The following CD80 variants were observed in gnomAD, a reference collection of about 807,000 sequenced individuals.
The protein encoded by CD80 is CD80 molecule, also known as T-lymphocyte activation antigen CD80.
CD80 carries 13 observed loss-of-function variants against 27.1 expected under a neutral mutation model. The observed-to-expected ratio is 0.48, with a 90% CI of 0.31 to 0.76. The LOEUF is 0.76. Among genes scored for constraint, CD80 ranks in the 30% least tolerant of loss-of-function variants. CD80 has a pLI of 0.04. For missense variants in CD80, 277 were observed against 347.9 expected (o/e 0.80, Z 1.62); for synonymous variants, 125 against 125.5 (o/e 1.00, Z 0.03).
intron 3 of CD80, among the ~76,000 whole-genome samples, chr3:119,542,611 T>C (rs1156453070): frequency 1.3e-5 from 2 of 152,204 alleles, no homozygotes; most frequent in Non-Finnish European, 2.9e-5. Flanking sequence ...TGCAAAATTA[T>C]GACTGAGACA....
At position 119,556,883 on chromosome 3, in the gene CD80, C is replaced by A. The variant is rs2082267430; in HGVS notation, c.100+746G>T. On this transcript the variant is annotated intron_variant, in intron 2 of 6. Transcript: ENST00000264246. ...ATCAGAACCATCCTGCCAGCAGGGA[C>A]AAGCCTCACCCTTCTTGACAGTCCC... Among the ~76,000 whole-genome samples the A allele has an allele frequency of 3.3e-5, 5 of 152,216 alleles. No homozygotes were observed. The South Asian group carries it at 8.3e-4, about 25-fold the overall frequency.
intron 4 of CD80, among the ~76,000 whole-genome samples, chr3:119,536,066 A>G (rs1050716048): frequency 6.6e-6 from 1 of 151,978 alleles, no homozygotes; most frequent in Non-Finnish European, 1.5e-5. Flanking sequence ...CCTGACCAAC[A>G]TGGTGAAACC....
rs1384073127 is a variant in CD80 at position 119,537,135 on chromosome 3, A to G, written c.700+2T>C. ...GAAACTCCCCAGAACAATGTCACTT[A>G]CTTGTATTCCAGTTGAAGGTCTGAT... On this transcript the variant is annotated splice_donor_variant, in intron 4 of 6. Transcript: ENST00000264246. LOFTEE classifies it high-confidence loss of function. 2 of 1,609,824 alleles carry G rather than the reference A, an allele frequency of 1.2e-6. No individual in the cohort carries two copies. The highest frequency in any genetic ancestry group is 1.7e-6 in the Non-Finnish European group (2 of 1,176,212).
intron 5 of CD80, 59 bp from the exon 6 acceptor site, chr3:119,527,900 T>C: frequency 1.4e-6 from 2 of 1,431,870 alleles, no homozygotes; most frequent in Non-Finnish European, 2.0e-6. Context: ...ATTGTGCCCA[T>C]ATGTTAATAT....
intron 2 of CD80, among the ~76,000 whole-genome samples, chr3:119,545,738 A>AC (rs533669907): frequency 0.013 from 1,810 of 140,420 alleles, 19 homozygotes; most frequent in African/African-American, 0.039. Context: ...TTACACACAC[A>AC]CCCCCCCCCA....
intron 4 of CD80, among the ~76,000 whole-genome samples, chr3:119,532,569 G>A (rs2082116453): frequency 6.6e-6 from 1 of 151,498 alleles, no homozygotes; most frequent in African/African-American, 2.4e-5. Context: ...ATCTCCACCT[G>A]ATTAAAACTG....
chr3:119,546,858 G>C (rs928739946), intron 2 of CD80, among the ~76,000 whole-genome samples: 1 of 148,096 alleles, frequency 6.8e-6, no homozygotes, highest in East Asian at 1.9e-4. Context: ...ACATGTACAC[G>C]CATTCATTTA....
At chr3:119,529,260 G>T (rs1329108472) in intron 5 of CD80, among the ~76,000 whole-genome samples, 1 of 152,130 alleles carries the variant, frequency 6.6e-6, no homozygotes, top group Non-Finnish European at 1.5e-5. Context: ...CAAGAACTGA[G>T]AATTGGTGAG....
At chr3:119,542,020 G>A (rs551003756) in intron 3 of CD80, among the ~76,000 whole-genome samples, 35 of 151,570 alleles carry the variant, frequency 2.3e-4, no homozygotes, top group Non-Finnish European at 4.4e-5. Context: ...CGTACCTAAT[G>A]TAATTAACTA....
chr3:119,558,385 G>A (rs1371882688), intron 1 of CD80, among the ~76,000 whole-genome samples: 1 of 152,150 alleles, frequency 6.6e-6, no homozygotes, highest in Non-Finnish European at 1.5e-5. Flanking sequence ...ATATCATAAA[G>A]GGGTATGAGA....
chr3:119,537,022 G>A, intron 4 of CD80, 115 bp downstream of exon 4: 1 of 941,224 alleles, frequency 1.1e-6, no homozygotes, highest in Non-Finnish European at 1.7e-6. Context: ...TTCAGACAAT[G>A]ACAGAATTGC....
intron 4 of CD80, among the ~76,000 whole-genome samples, chr3:119,532,341 A>C (rs1193318418): frequency 6.6e-6 from 1 of 152,088 alleles, no homozygotes; most frequent in Non-Finnish European, 1.5e-5. Flanking sequence ...GTCTCTACTA[A>C]AAGTACAAAA....
chr3:119,532,900 C>G (rs1457738260), intron 4 of CD80, among the ~76,000 whole-genome samples: 1 of 152,180 alleles, frequency 6.6e-6, no homozygotes, highest in East Asian at 1.9e-4. Context: ...TCTGAAACAC[C>G]TATTTAATCA....
At chr3:119,540,187 G>C (rs936355297) in intron 3 of CD80, among the ~76,000 whole-genome samples, 1 of 152,182 alleles carries the variant, frequency 6.6e-6, no homozygotes, top group African/African-American at 2.4e-5. Context: ...CTGACCTCGT[G>C]ATCCACCAGC....
In CD80 at chr3:119,525,452, T is replaced by A. The variant is rs1336418385; in HGVS notation, c.*336A>T. On this transcript the variant is annotated 3_prime_UTR_variant, in exon 7 of 7. Transcript: ENST00000264246. ...GAAAGAGCACCAGAGTTAGGAAATCTGGGTTCTGGCGCTGGCCTTTATAAT... is the reference window on the plus strand; with the variant it reads ...GAAAGAGCACCAGAGTTAGGAAATCAGGGTTCTGGCGCTGGCCTTTATAAT... The A allele has an allele frequency of 6.6e-6, 1 of 152,250 alleles. No homozygotes were observed. The allele number at this position is 152,250 out of a possible 1,614,324, so 9.4% of individuals were successfully genotyped here. A position where few individuals can be genotyped will look rare whatever the true frequency, so the allele number is the denominator to read the frequency against.
At chr3:119,551,345 G>A (rs116718801) in intron 2 of CD80, among the ~76,000 whole-genome samples, 1,827 of 152,220 alleles carry the variant, frequency 0.012, 43 homozygotes, top group African/African-American at 0.042. Flanking sequence ...TTTAATTCCG[G>A]GTGCAACAGT....
rs1389346180 is a variant in CD80, at chr3:119,527,770, G to A, written c.*1C>T. 6 of 1,612,796 alleles carry A rather than the reference G, an allele frequency of 3.7e-6. No homozygotes were observed. Among genetic ancestry groups the A allele is most frequent in the South Asian group, 1.1e-5 (1 of 91,038 alleles). On this transcript the variant is annotated 3_prime_UTR_variant, in exon 6 of 7. Transcript: ENST00000264246. ...TCAGCCCCTTGCTTCTGCGGACACT[G>A]TTATACAGGGCGTACACTTTCCCTT...
intron 6 of CD80, chr3:119,527,377 C>T (rs888337936): frequency 5.7e-6 from 1 of 176,700 alleles, no homozygotes; most frequent in South Asian, 1.8e-4. Context: ...TACAAAGTGA[C>T]CCCAACCCAT....
rs760192600 is a variant in CD80, at chr3:119,527,790, T to A, written c.848A>T (p.Glu283Val). Residue 283 changes from glutamate to valine, a missense_variant, in exon 6 of 7, where the codon GAA becomes GTA. By Grantham distance (121) the Glu-to-Val change is moderately radical. Transcript: ENST00000264246. ...ACACTGTTATACAGGGCGTACACTT[T>A]CCCTTCTCAATCTCTCATTCCTCCT... ...ERRRNERLRR[E>V]SVRPV 3 of 1,613,864 alleles carry A rather than the reference T, an allele frequency of 1.9e-6. No individual in the cohort carries two copies. The highest frequency in any genetic ancestry group is 4.5e-5 in the East Asian group (2 of 44,896).
Sources: allele counts gnomAD v4.1 joint callset (sites outside exome capture counted in the v4.1 genomes callset), GRCh38; gene constraint gnomAD v4.1.1; transcripts MANE v1.5; gene names NCBI Gene and HGNC (gene_info 2026-07-23, HGNC 2026-07-21).